LRFN5: variants seen among roughly 807,000 people sequenced by gnomAD.
LRFN5 encodes leucine-rich repeat and fibronectin type-III domain-containing protein 5.
In LRFN5, 24 loss-of-function variants were observed where a neutral mutation model predicts 45.6. That is an observed-to-expected ratio of 0.53 (90% CI 0.38 to 0.74). The LOEUF (loss-of-function observed/expected upper bound fraction) is 0.74. LRFN5 is among the 30% of genes least tolerant of loss of function. LRFN5 has a pLI of 0.00. For missense variants in LRFN5, 776 were observed against 861.5 expected (o/e 0.90, Z 1.24); for synonymous variants, 340 against 313.8 (o/e 1.08, Z -0.88).
intron 1 of LRFN5, among the ~76,000 whole-genome samples, chr14:41,632,644 A>G (rs1165802850): frequency 6.6e-6 from 1 of 152,182 alleles, no homozygotes; most frequent in Non-Finnish European, 1.5e-5. Flanking sequence ...TGTTACATTT[A>G]TACAGATGAG....
chr14:41,793,691 T>C (rs1594714890), intron 2 of LRFN5, among the ~76,000 whole-genome samples: 1 of 148,102 alleles, frequency 6.8e-6, no homozygotes, highest in East Asian at 1.9e-4. Context: ...ACAGTTATCC[T>C]ACTCCTAAGA....
At chr14:41,720,254 C>T (rs1365400283) in intron 1 of LRFN5, among the ~76,000 whole-genome samples, 1 of 152,054 alleles carries the variant, frequency 6.6e-6, no homozygotes, top group Non-Finnish European at 1.5e-5. Flanking sequence ...ATTCATGTTG[C>T]CACAAAAGAC....
chr14:41,806,861 T>C (rs1470290133), intron 2 of LRFN5, among the ~76,000 whole-genome samples: 1 of 152,126 alleles, frequency 6.6e-6, no homozygotes, highest in African/African-American at 2.4e-5. Context: ...GCTCCTTTTT[T>C]ATGGAGACTA....
At chr14:41,802,019 A>G (rs1387904929) in intron 2 of LRFN5, among the ~76,000 whole-genome samples, 1 of 152,118 alleles carries the variant, frequency 6.6e-6, no homozygotes, top group Non-Finnish European at 1.5e-5. Context: ...AAATTAGATG[A>G]GAAGAAACAG....
rs904120232 is a variant in LRFN5 at position 41,737,862 on chromosome 14, G to GA, written c.-196-28982dup. Among the ~76,000 whole-genome samples the GA allele has an allele frequency of 4.9e-4, 72 of 148,364 alleles. No homozygotes were observed. In the Middle Eastern group the frequency reaches 0.01, roughly 21 times the overall value. ...AAAATAAGAGAGGGCACAAACAAAT[G>GA]AAAAAAAAAATCCATGCTCATGGAT... is the stretch of plus-strand genomic sequence containing the variant. On this transcript the variant is annotated intron_variant, in intron 1 of 5. Coordinates refer to ENST00000298119, the MANE Select transcript of LRFN5 (RefSeq NM_152447.5).
chr14:41,675,437 C>G (rs1454443556), intron 1 of LRFN5, among the ~76,000 whole-genome samples: 1 of 152,226 alleles, frequency 6.6e-6, no homozygotes, highest in African/African-American at 2.4e-5. Context: ...CCCGTCTCCA[C>G]CAAAAAATTA....
At chr14:41,868,180 G>A (rs143555298) in intron 2 of LRFN5, among the ~76,000 whole-genome samples, 1,703 of 151,992 alleles carry the variant, frequency 0.011, 31 homozygotes, top group African/African-American at 0.039. Context: ...CCAAGACATA[G>A]CCCTTCAAAA....
At chr14:41,718,678 G>A (rs1464488739) in intron 1 of LRFN5, among the ~76,000 whole-genome samples, 1 of 152,132 alleles carries the variant, frequency 6.6e-6, no homozygotes, top group African/African-American at 2.4e-5. Flanking sequence ...CTGACTGCCT[G>A]TTTATTTAGG....
chr14:41,798,882 T>A (rs1253027632), intron 2 of LRFN5, among the ~76,000 whole-genome samples: 1 of 152,074 alleles, frequency 6.6e-6, no homozygotes, highest in African/African-American at 2.4e-5. Context: ...TTGTCTCTGA[T>A]CATTTATTAT....
chr14:41,670,026 TATAAC>T (rs1291005785), intron 1 of LRFN5, among the ~76,000 whole-genome samples: 4 of 149,596 alleles, frequency 2.7e-5, no homozygotes, highest in South Asian at 2.1e-4. Context: ...GTATATAAAA[TATAAC>T]ATAATACAAA....
At chr14:41,688,987 T>G (rs975729348) in intron 1 of LRFN5, among the ~76,000 whole-genome samples, 1 of 151,298 alleles carries the variant, frequency 6.6e-6, no homozygotes, top group Non-Finnish European at 1.5e-5. Flanking sequence ...CCCAGCTACT[T>G]AGGAGGCTGA....
intron 2 of LRFN5, among the ~76,000 whole-genome samples, chr14:41,884,755 G>A (rs1208545261): frequency 1.3e-5 from 2 of 152,100 alleles, no homozygotes; most frequent in African/African-American, 2.4e-5. Context: ...TGGACAGGTT[G>A]GGGGCTCAGA....
intron 2 of LRFN5, among the ~76,000 whole-genome samples, chr14:41,886,053 A>T (rs1890561435): frequency 6.7e-6 from 1 of 148,748 alleles, no homozygotes; most frequent in African/African-American, 2.5e-5. Context: ...GTGAAGGTTG[A>T]TCTATGTCAA....
chr14:41,686,962 T>A (rs1882149710), intron 1 of LRFN5, among the ~76,000 whole-genome samples: 2 of 152,210 alleles, frequency 1.3e-5, no homozygotes, highest in Non-Finnish European at 2.9e-5. Flanking sequence ...ATCAGGATGA[T>A]ACTGGTTTCA....
chr14:41,900,177 A>G (rs1161544482), intron 5 of LRFN5, among the ~76,000 whole-genome samples: 1 of 152,064 alleles, frequency 6.6e-6, no homozygotes, highest in Non-Finnish European at 1.5e-5. Context: ...ATACCTTTAT[A>G]TAATAATTAG....
intron 1 of LRFN5, among the ~76,000 whole-genome samples, chr14:41,694,758 T>A (rs1882530015): frequency 6.6e-6 from 1 of 151,972 alleles, no homozygotes; most frequent in African/African-American, 2.4e-5. Flanking sequence ...TATTATTGTA[T>A]CTGTTATGGG....
At chr14:41,741,090 A>T (rs1046338167) in intron 1 of LRFN5, among the ~76,000 whole-genome samples, 3 of 151,044 alleles carry the variant, frequency 2.0e-5, no homozygotes, top group African/African-American at 7.2e-5. Flanking sequence ...CAATATAAAG[A>T]TAACTCATGT....
At chr14:41,735,797 T>C (rs916230737) in intron 1 of LRFN5, among the ~76,000 whole-genome samples, 1 of 151,960 alleles carries the variant, frequency 6.6e-6, no homozygotes, top group Admixed American at 6.6e-5. Context: ...GATGTTCCCC[T>C]CCCTGTGTCC....
chr14:41,757,814 T>C (rs889732170), intron 1 of LRFN5, among the ~76,000 whole-genome samples: 28 of 152,130 alleles, frequency 1.8e-4, no homozygotes, highest in African/African-American at 6.3e-4. Flanking sequence ...GTACCTCAGT[T>C]GGAAATGCAG....
Sources: allele counts gnomAD v4.1 joint callset (sites outside exome capture counted in the v4.1 genomes callset), GRCh38; gene constraint gnomAD v4.1.1; transcripts MANE v1.5; gene names NCBI Gene and HGNC (gene_info 2026-07-23, HGNC 2026-07-21).